The following JADE1 variants were observed in gnomAD, a reference collection of about 807,000 sequenced individuals.
The protein encoded by JADE1 is jade family PHD finger 1, also known as protein Jade-1.
In JADE1, 14 loss-of-function variants were observed where a neutral mutation model predicts 81.8. That is an observed-to-expected ratio of 0.17 (90% CI 0.11 to 0.27). JADE1 has a LOEUF of 0.27. Among genes scored for constraint, JADE1 ranks in the 10% least tolerant of loss-of-function variants. JADE1 has a pLI of 1.00. For missense variants in JADE1, 690 were observed against 1,047.9 expected (o/e 0.66, Z 4.71); for synonymous variants, 353 against 391.9 (o/e 0.90, Z 1.17).
intron 1 of JADE1, among the ~76,000 whole-genome samples, chr4:128,812,381 G>A (rs1206820547): frequency 6.6e-6 from 1 of 151,850 alleles, no homozygotes; most frequent in African/African-American, 2.4e-5. Flanking sequence ...CCCGGCGGGC[G>A]GCGGGAGCCG....
intron 2 of JADE1, among the ~76,000 whole-genome samples, chr4:128,838,444 A>G (rs1729155150): frequency 6.6e-6 from 1 of 152,214 alleles, no homozygotes; most frequent in Non-Finnish European, 1.5e-5. Flanking sequence ...CTTTCCTGAA[A>G]GCGAAAAGAA....
At position 128,857,280 on chromosome 4, in the gene JADE1, T is replaced by C; in HGVS notation, c.865-58T>C. 3.1e-6 allele frequency: 4 copies of C among 1,276,782 alleles called. No individual in the cohort carries two copies. In the South Asian group the frequency reaches 4.8e-5, roughly 15 times the overall value. The allele number at this position is 1,276,782 out of a possible 1,614,324, so 79.1% of individuals were successfully genotyped here. A position where few individuals can be genotyped will look rare whatever the true frequency, so the allele number is the denominator to read the frequency against. On this transcript the variant is annotated intron_variant, in intron 7 of 10. Transcript: ENST00000226319. Reference sequence around the variant, plus strand: ...GTAATGGATCTTTTAGTTTCTGACATTCATGTTCAGCCTTTGACGACCTGA... The same window carrying C: ...GTAATGGATCTTTTAGTTTCTGACACTCATGTTCAGCCTTTGACGACCTGA...
At position 128,843,019 on chromosome 4, in the gene JADE1, A is replaced by G. The variant is rs1193865594; in HGVS notation, c.119A>G (p.Glu40Gly). The G allele has an allele frequency of 6.2e-7, 1 of 1,613,812 alleles. No individual in the cohort carries two copies. The highest frequency in any genetic ancestry group is 1.3e-5 in the African/African-American group (1 of 74,918). The change falls in exon 3 of 11, where the codon GAA (glutamate) becomes GGA (glycine). Residue 40 changes from glutamate (E) to glycine (G), a missense_variant. By Grantham distance (98) the Glu-to-Gly change is moderately conservative (BLOSUM62 -2). Transcript: ENST00000226319. ...AGGAGAAGCTCCTGCTCCAGACATG[A>G]AGATCGAAAGCCTTCAGAGGTACTT... ...QHRRSSCSRH[E>G]DRKPSEVFRT... is the part of the protein sequence containing the mutation.
chr4:128,825,443 T>G (rs1393295442), intron 1 of JADE1, among the ~76,000 whole-genome samples: 2 of 152,228 alleles, frequency 1.3e-5, no homozygotes. Context: ...ACTGAACTTG[T>G]TCGCTCAAAT....
chr4:128,855,561 T>A (rs966082672), intron 6 of JADE1, 69 bp from the exon 7 acceptor site: 3 of 1,404,954 alleles, frequency 2.1e-6, no homozygotes, highest in Admixed American at 2.4e-5. Flanking sequence ...TTAAAATGAA[T>A]AGATATAATG....
intron 7 of JADE1, 120 bp from the exon 8 acceptor site, chr4:128,857,218 G>C: frequency 2.6e-6 from 2 of 764,118 alleles, no homozygotes; most frequent in Non-Finnish European, 4.6e-6. Flanking sequence ...TTGAGTGGGT[G>C]CCCCTTGCCA....
chr4:128,872,055 A>G lies in JADE1; in HGVS notation c.2322A>G (p.Ser774=), dbSNP rs1427289686. ...ACGATGGGGCCTGCCACCAGCACTC[A>G]GACTACCCATATTTGGGCTTAGGCC... ...EAHDGACHQH[S]DYPYLGLGRV... Residue 774 remains serine, a synonymous_variant, in exon 11 of 11, where the codon TCA becomes TCG. Transcript: ENST00000226319. The G allele has an allele frequency of 6.2e-7, 1 of 1,614,128 alleles. No individual in the cohort carries two copies. The highest frequency in any genetic ancestry group is 8.5e-7 in the Non-Finnish European group (1 of 1,180,006).
At chr4:128,862,706 G>T in intron 9 of JADE1, 1 of 1,008,796 alleles carries the variant, frequency 9.9e-7, no homozygotes, top group Admixed American at 5.1e-5. Flanking sequence ...GGCTTATGAA[G>T]GAAGCTAAGC....
chr4:128,848,552 C>T (rs1730073636), intron 4 of JADE1, among the ~76,000 whole-genome samples: 1 of 152,292 alleles, frequency 6.6e-6, no homozygotes. Flanking sequence ...GTTTCTCCCT[C>T]TGGTTCTCAG....
At chr4:128,839,232 A>G (rs567435323) in intron 2 of JADE1, among the ~76,000 whole-genome samples, 6 of 152,226 alleles carry the variant, frequency 3.9e-5, no homozygotes, top group Non-Finnish European at 1.5e-5. Context: ...CAACAAGAAA[A>G]TGAGAAGGAA....
chr4:128,828,633 A>G (rs973920582), intron 1 of JADE1, among the ~76,000 whole-genome samples: 1 of 152,108 alleles, frequency 6.6e-6, no homozygotes, highest in Non-Finnish European at 1.5e-5. Flanking sequence ...TACTTGAATA[A>G]TTTTGCTTAA....
chr4:128,854,253 T>C (rs1290107768), intron 6 of JADE1, among the ~76,000 whole-genome samples: 3 of 152,142 alleles, frequency 2.0e-5, no homozygotes, highest in Admixed American at 1.3e-4. Flanking sequence ...TCTCACCTTC[T>C]CTTCTTTCTG....
At chr4:128,830,162 C>G (rs976875550) in intron 1 of JADE1, among the ~76,000 whole-genome samples, 6 of 151,806 alleles carry the variant, frequency 4.0e-5, no homozygotes, top group African/African-American at 1.5e-4. Flanking sequence ...AGGTATGAGC[C>G]ACCACACCCA....
At chr4:128,817,656 GAGCATC>G (rs1043464722) in intron 1 of JADE1, among the ~76,000 whole-genome samples, 1 of 151,932 alleles carries the variant, frequency 6.6e-6, no homozygotes, top group African/African-American at 2.4e-5. Context: ...TAATCTTTAC[GAGCATC>G]AGTTACTTCC....
In JADE1 at chr4:128,849,066, A is replaced by G. The variant is rs1268911238; in HGVS notation, c.383A>G (p.Tyr128Cys). ...SSGSEPPELGYVDIRTLADSV... is the reference protein window; with the variant it reads ...SSGSEPPELGCVDIRTLADSV... ...GGCTCTGAGCCTCCCGAGTTGGGCT[A>G]TGTGGACATCCGGACGCTGGCTGAC... Residue 128 changes from tyrosine to cysteine, a missense_variant, in exon 5 of 11, where the codon TAT becomes TGT. Physicochemically the swap from Tyr to Cys is radical, Grantham distance 194. This residue lies in a region of JADE1 where 98 missense variants were observed against 161.3 expected (regional missense o/e 0.61). Coordinates refer to ENST00000226319, the MANE Select transcript of JADE1 (RefSeq NM_199320.4). 3.7e-6 allele frequency: 6 copies of G among 1,614,058 alleles called. No homozygotes were observed. Among genetic ancestry groups the G allele is most frequent in the African/African-American group, 1.3e-5 (1 of 74,924 alleles).
rs901860057 is a variant in JADE1 at position 128,861,942 on chromosome 4, G to C, written c.1220G>C (p.Arg407Pro). The C allele has an allele frequency of 1.9e-6, 3 of 1,613,992 alleles. No individual in the cohort carries two copies. The highest frequency in any genetic ancestry group is 2.5e-6 in the Non-Finnish European group (3 of 1,179,994). The change falls in exon 9 of 11, where the codon CGG (arginine) becomes CCG (proline). Residue 407 changes from arginine (R) to proline (P), a missense_variant. Coordinates refer to ENST00000226319, the MANE Select transcript of JADE1 (RefSeq NM_199320.4). Reference protein sequence around the residue: ...LEPFASLEQNREEAHRVSVRK... With the variant: ...LEPFASLEQNPEEAHRVSVRK... Reference sequence around the variant, plus strand: ...CCCTTTGCCAGCCTTGAGCAGAACCGGGAGGAGGCCCACCGGGTGAGTGTC... The same window carrying C: ...CCCTTTGCCAGCCTTGAGCAGAACCCGGAGGAGGCCCACCGGGTGAGTGTC...
rs77613292 is a variant in JADE1 at position 128,835,555 on chromosome 4, A to C, written c.52+3745A>C. Among the ~76,000 whole-genome samples, 9 of 152,232 alleles carry C rather than the reference A, an allele frequency of 5.9e-5. No homozygotes were observed. In the East Asian group the frequency reaches 1.5e-3, roughly 26 times the overall value. On this transcript the variant is annotated intron_variant, in intron 2 of 10. Transcript: ENST00000226319. ...CTTTCAGGTCCACAAAATGAGCCCT[A>C]CCTGGGTTAACTGCCCATACTCTGC...
chr4:128,819,590 A>G (rs979833665), intron 1 of JADE1, among the ~76,000 whole-genome samples: 2 of 152,192 alleles, frequency 1.3e-5, no homozygotes, highest in African/African-American at 2.4e-5. Context: ...GTTAATGCCT[A>G]CCACTCCGGG....
At chr4:128,817,707 G>A (rs1727167839) in intron 1 of JADE1, among the ~76,000 whole-genome samples, 1 of 152,204 alleles carries the variant, frequency 6.6e-6, no homozygotes, top group Non-Finnish European at 1.5e-5. Context: ...AACATATAGA[G>A]GCTGAGTGTT....
Sources: gnomAD v4.1 joint callset for allele counts (sites outside exome capture counted in the v4.1 genomes callset) on GRCh38, gnomAD v4.1.1 for gene constraint, gnomAD v4.1.1 regional missense constraint, MANE v1.5 for transcripts, NCBI Gene and HGNC (gene_info 2026-07-23, HGNC 2026-07-21) for gene names.